Variants in CHRM3 observed in about 807,000 individuals in gnomAD.
CHRM3 encodes the protein muscarinic acetylcholine receptor M3.
A neutral mutation model predicts 41.8 loss-of-function variants in CHRM3; 11 were observed. That is an observed-to-expected ratio of 0.26 (90% confidence interval 0.17 to 0.44). The LOEUF (loss-of-function observed/expected upper bound fraction) is 0.44. Ranked by LOEUF, CHRM3 falls within the 20% of genes least tolerant of loss-of-function variation. CHRM3 has a pLI of 1.00. For synonymous variants in CHRM3, 297 were observed against 301.4 expected (o/e 0.99, Z 0.15); for missense variants, 571 against 745.4 (o/e 0.77, Z 2.72).
intron 4 of CHRM3, among the ~76,000 whole-genome samples, chr1:239,665,481 GA>G (rs779359766): frequency 1.3e-5 from 2 of 152,072 alleles, no homozygotes; most frequent in Non-Finnish European, 2.9e-5. Context: ...TGAAAACATA[GA>G]ATTTGAGGCA....
chr1:239,553,657 C>A (rs2148455212), intron 3 of CHRM3, among the ~76,000 whole-genome samples: 1 of 152,290 alleles, frequency 6.6e-6, no homozygotes, highest in Admixed American at 6.5e-5. Flanking sequence ...TCTTTTCTAT[C>A]CCATCCCGCT....
intron 6 of CHRM3, among the ~76,000 whole-genome samples, chr1:239,897,732 C>G (rs1169586592): frequency 1.3e-5 from 2 of 152,190 alleles, no homozygotes; most frequent in South Asian, 2.1e-4. Flanking sequence ...CTCCCGCCTG[C>G]TTTTCACTTC....
chr1:239,459,068 A>G (rs10802768), intron 1 of CHRM3, among the ~76,000 whole-genome samples: 50,582 of 151,918 alleles, frequency 0.33, 8,526 homozygotes, highest in Middle Eastern at 0.44. Flanking sequence ...TTCTCCCACA[A>G]GTGGTCAAGG....
intron 5 of CHRM3, among the ~76,000 whole-genome samples, chr1:239,733,627 T>C (rs1456342054): frequency 2.0e-5 from 3 of 152,056 alleles, no homozygotes. Flanking sequence ...GCATCTTCTG[T>C]AAGAAAGTTT....
chr1:239,844,298 T>C (rs1674084009), intron 6 of CHRM3, among the ~76,000 whole-genome samples: 1 of 152,206 alleles, frequency 6.6e-6, no homozygotes, highest in African/African-American at 2.4e-5. Flanking sequence ...TATATGTGAA[T>C]GTAAAAAATC....
chr1:239,412,536 T>C (rs1002548637), intron 1 of CHRM3, among the ~76,000 whole-genome samples: 1 of 150,610 alleles, frequency 6.6e-6, no homozygotes, highest in Non-Finnish European at 1.5e-5. Context: ...TAAGAACAAT[T>C]GTTCAGGTAC....
At chr1:239,589,238 A>G (rs1430039330) in intron 3 of CHRM3, among the ~76,000 whole-genome samples, 1 of 152,038 alleles carries the variant, frequency 6.6e-6, no homozygotes, top group Non-Finnish European at 1.5e-5. Flanking sequence ...CCAGTCTGAA[A>G]CATTATTTTA....
At chr1:239,567,856 A>C (rs560199633) in intron 3 of CHRM3, among the ~76,000 whole-genome samples, 1 of 152,100 alleles carries the variant, frequency 6.6e-6, no homozygotes, top group African/African-American at 2.4e-5. Context: ...CTGTTTGGGC[A>C]TGGTTGGAGC....
intron 1 of CHRM3, among the ~76,000 whole-genome samples, chr1:239,455,526 T>A (rs1436504967): frequency 6.6e-6 from 1 of 152,134 alleles, no homozygotes; most frequent in African/African-American, 2.4e-5. Flanking sequence ...ATTGATGACA[T>A]TGAACCTTTG....
chr1:239,747,267 C>A (rs1234076275), intron 5 of CHRM3, among the ~76,000 whole-genome samples: 1 of 151,950 alleles, frequency 6.6e-6, no homozygotes, highest in Non-Finnish European at 1.5e-5. Context: ...TATTGAGCAC[C>A]CACTATCTGC....
intron 3 of CHRM3, among the ~76,000 whole-genome samples, chr1:239,587,800 A>G (rs866920813): frequency 2.6e-5 from 4 of 152,184 alleles, no homozygotes; most frequent in Non-Finnish European, 5.9e-5. Flanking sequence ...TCAGACTTGA[A>G]CCTAAATAAA....
At chr1:239,692,159 G>A (rs556946748) in intron 5 of CHRM3, among the ~76,000 whole-genome samples, 1 of 152,248 alleles carries the variant, frequency 6.6e-6, no homozygotes, top group Admixed American at 6.5e-5. Flanking sequence ...CAGTCAGGCT[G>A]GGAGATACAT....
At chr1:239,536,356 GCAAA>G (rs1658196259) in intron 2 of CHRM3, among the ~76,000 whole-genome samples, 1 of 152,082 alleles carries the variant, frequency 6.6e-6, no homozygotes, top group South Asian at 2.1e-4. Context: ...TCCTCCTGTT[GCAAA>G]CAATCTCTAT....
At chr1:239,694,372 A>G (rs1180073010) in intron 5 of CHRM3, among the ~76,000 whole-genome samples, 2 of 152,192 alleles carry the variant, frequency 1.3e-5, no homozygotes, top group Non-Finnish European at 2.9e-5. Flanking sequence ...GAGCTCATCC[A>G]TTTCAGGCAT....
At chr1:239,451,165 A>T (rs1297626844) in intron 1 of CHRM3, among the ~76,000 whole-genome samples, 1 of 152,164 alleles carries the variant, frequency 6.6e-6, no homozygotes, top group Non-Finnish European at 1.5e-5. Context: ...TGGAGGCTGC[A>T]GTGGGCTATG....
chr1:239,600,030 A>T (rs1251025070), intron 3 of CHRM3, among the ~76,000 whole-genome samples: 1 of 152,156 alleles, frequency 6.6e-6, no homozygotes, highest in Non-Finnish European at 1.5e-5. Context: ...ATTTTGCTGT[A>T]TATTCCTTCT....
intron 1 of CHRM3, among the ~76,000 whole-genome samples, chr1:239,412,051 A>G (rs7541385): frequency 0.24 from 35,947 of 151,230 alleles, 4,420 homozygotes; most frequent in South Asian, 0.31. Context: ...TACTTCCAAG[A>G]TAATCATATA....
chr1:239,531,843 T>C (rs1657570692), intron 2 of CHRM3, among the ~76,000 whole-genome samples: 1 of 149,872 alleles, frequency 6.7e-6, no homozygotes. Context: ...GTATTTTTAA[T>C]AGAGACGGGG....
intron 5 of CHRM3, among the ~76,000 whole-genome samples, chr1:239,819,018 T>C (rs1671821754): frequency 1.3e-5 from 2 of 152,214 alleles, no homozygotes; most frequent in Non-Finnish European, 2.9e-5. Context: ...CCTGGTCTGC[T>C]GGGGCCTAGT....
Sources: gnomAD v4.1 joint callset for allele counts (sites outside exome capture counted in the v4.1 genomes callset) on GRCh38, gnomAD v4.1.1 for gene constraint, MANE v1.5 for transcripts, NCBI Gene and HGNC (gene_info 2026-07-23, HGNC 2026-07-21) for gene names.